MACF1: variants seen among roughly 807,000 people sequenced by gnomAD.
The protein encoded by MACF1 is microtubule actin crosslinking factor 1.
In MACF1, 193 loss-of-function variants were observed where a neutral mutation model predicts 854.8. The observed-to-expected ratio is 0.23, with a 90% CI of 0.20 to 0.25. The LOEUF (loss-of-function observed/expected upper bound fraction) is 0.25. Ranked by LOEUF, MACF1 falls within the 10% of genes least tolerant of loss-of-function variation. The pLI, the probability that MACF1 is intolerant of heterozygous loss-of-function variation, is 1.00. For missense variants in MACF1, 7,722 were observed against 8,929.1 expected, an observed-to-expected ratio of 0.86 and a Z score of 5.45; for synonymous variants, 3,185 against 3,226.7, an observed-to-expected ratio of 0.99 and a Z score of 0.44.
At chr1:39,347,244 C>A in intron 41 of MACF1, 34 bp downstream of exon 41, 1 of 1,484,462 alleles carries the variant, frequency 6.7e-7, no homozygotes, top group Non-Finnish European at 9.4e-7. Flanking sequence ...CTCAGTTTGT[C>A]TTTGGGGATG....
At chr1:39,277,643 C>T (rs891336128) in intron 6 of MACF1, among the ~76,000 whole-genome samples, 8 of 152,074 alleles carry the variant, frequency 5.3e-5, no homozygotes, top group African/African-American at 1.4e-4. Context: ...ACCTTTTTAC[C>T]TGGCCAACTT....
intron 2 of MACF1, among the ~76,000 whole-genome samples, chr1:39,177,855 G>A (rs1426921086): frequency 1.3e-5 from 2 of 152,054 alleles, no homozygotes; most frequent in Admixed American, 1.3e-4. Flanking sequence ...AATCATTTGG[G>A]TGAGCATAAT....
chr1:39,477,135 T>TATACACACACAC (rs71060314), intron 97 of MACF1, among the ~76,000 whole-genome samples: 4 of 103,372 alleles, frequency 3.9e-5, no homozygotes, highest in Admixed American at 2.1e-4. Context: ...TATATATATA[T>TATACACACACAC]ACACACACAC....
chr1:39,464,853 G>A (rs1644629616), intron 94 of MACF1: 1 of 450,334 alleles, frequency 2.2e-6, no homozygotes, highest in Non-Finnish European at 4.0e-6. Flanking sequence ...GTCGGAGGTT[G>A]CAGTGAGCCA....
chr1:39,255,089 G>C (rs1571226373), intron 5 of MACF1, among the ~76,000 whole-genome samples: 1 of 151,898 alleles, frequency 6.6e-6, no homozygotes, highest in Non-Finnish European at 1.5e-5. Context: ...GACCTGGACA[G>C]GTAAATGACC....
chr1:39,361,026 G>A, intron 48 of MACF1, 25 bp downstream of exon 48: 1 of 1,589,560 alleles, frequency 6.3e-7, no homozygotes, highest in Non-Finnish European at 8.6e-7. Context: ...CCAAGAGCTA[G>A]CATAGAGGGT....
At position 39,292,003 on chromosome 1, in the gene MACF1, C is replaced by T. The variant is rs769134124; in HGVS notation, c.1879C>T (p.Leu627=). 8.1e-6 allele frequency: 13 copies of T among 1,613,912 alleles called. No individual in the cohort carries two copies. In the Admixed American group the frequency reaches 8.3e-5, roughly 10 times the overall value. Residue 627 remains leucine (L), a synonymous_variant, in exon 16 of 101, where the codon CTG becomes TTG. Coordinates refer to ENST00000564288, the MANE Select transcript of MACF1 (RefSeq NM_001394062.1). ...QQHIHTSVEE[L]GSSVKEARLY... is the part of the protein sequence containing the mutation. The stretch of plus-strand genomic sequence containing the variant: ...GCACATCCATACGAGTGTAGAAGAG[C>T]TGGGCTCAAGTGTCAAGGAGGCCAG...
At chr1:39,293,437 T>C (rs1419349710) in intron 17 of MACF1, 21 bp from the exon 18 acceptor site, 1 of 1,600,866 alleles carries the variant, frequency 6.2e-7, no homozygotes, top group East Asian at 2.2e-5. Flanking sequence ...AGTCTAATCT[T>C]ATAATCCTTG....
chr1:39,479,333 C>G (rs1390770137), intron 97 of MACF1, among the ~76,000 whole-genome samples: 1 of 152,100 alleles, frequency 6.6e-6, no homozygotes, highest in African/African-American at 2.4e-5. Context: ...TGACTGAATT[C>G]AAATAGAAGA....
At chr1:39,444,358 T>C (rs1279348630) in intron 79 of MACF1, among the ~76,000 whole-genome samples, 1 of 152,154 alleles carries the variant, frequency 6.6e-6, no homozygotes, top group African/African-American at 2.4e-5. Context: ...GTTTTTCTTC[T>C]ATGGGTGATA....
In MACF1 at chr1:39,084,303, G is replaced by C. The variant is rs1428140963; in HGVS notation, c.85G>C (p.Glu29Gln). 6.2e-7 allele frequency: 1 copy of C among 1,614,028 alleles called. No homozygotes were observed. Among genetic ancestry groups the C allele is most frequent in the East Asian group, 2.2e-5 (1 of 44,876 alleles). The stretch of plus-strand genomic sequence containing the variant: ...TCGGAGTGAGCGATCTTACAGGAGC[G>C]AGCGGTCGGGGAGCCTGTCTCCCTG... Residue 29 changes from glutamate to glutamine, a missense_variant, in exon 2 of 94, where the codon GAG becomes CAG. Coordinates refer to the MACF1 transcript ENST00000361689. The surrounding 1 kb of genome is among the most constrained non-coding windows in gnomAD (Gnocchi z 5.2).
intron 2 of MACF1, among the ~76,000 whole-genome samples, chr1:39,144,567 C>T (rs566754427): frequency 6.6e-6 from 1 of 152,232 alleles, no homozygotes; most frequent in East Asian, 1.9e-4. Flanking sequence ...GAATTCCCTT[C>T]TAACAACGTG....
At chr1:39,111,306 CCAT>C (rs1297019170) in intron 2 of MACF1, among the ~76,000 whole-genome samples, 13 of 152,138 alleles carry the variant, frequency 8.5e-5, no homozygotes, top group African/African-American at 2.9e-4. Flanking sequence ...CATGATCCTC[CCAT>C]CTCAGCCTCC....
At chr1:39,087,418 A>G (rs1336304740) in intron 2 of MACF1, among the ~76,000 whole-genome samples, 1 of 152,142 alleles carries the variant, frequency 6.6e-6, no homozygotes, top group African/African-American at 2.4e-5. Flanking sequence ...GTAGAGAGGG[A>G]TGTCGGGGCT....
intron 58 of MACF1, among the ~76,000 whole-genome samples, chr1:39,416,278 G>T (rs1643305458): frequency 6.6e-6 from 1 of 151,728 alleles, no homozygotes; most frequent in South Asian, 2.1e-4. Flanking sequence ...ATTGAATTTG[G>T]AATGACACCG....
Position 39,434,598 on chromosome 1 carries a change from A to G in MACF1, c.17750A>G (p.His5917Arg), listed in dbSNP as rs771898410. The G allele has an allele frequency of 6.2e-7, 1 of 1,614,208 alleles. No individual in the cohort carries two copies. The highest frequency in any genetic ancestry group is 1.1e-5 in the South Asian group (1 of 91,084). The change falls in exon 69 of 101, where the codon CAT becomes CGT. Residue 5917 changes from histidine to arginine, a missense_variant. Physicochemically the swap from His to Arg is conservative, Grantham distance 29 (BLOSUM62 0). Around this residue, in one of 15 missense-constraint regions of MACF1, gnomAD observed 2,807 missense variants for 3,235.8 expected, o/e 0.87. Coordinates refer to ENST00000564288, the MANE Select transcript of MACF1 (RefSeq NM_001394062.1). ...CAGTTACCCTCTCCAGCCATTGATC[A>G]TGAGCAGCTCAGGCAGCAACAAGAG... The part of the protein sequence containing the change: ...IAQLPSPAID[H>R]EQLRQQQEEM...
chr1:39,213,750 G>A (rs560366984), intron 1 of MACF1, among the ~76,000 whole-genome samples: 2 of 151,942 alleles, frequency 1.3e-5, no homozygotes, highest in Admixed American at 6.6e-5. Context: ...TTCCCAGTAC[G>A]AGGCAAATTC....
In MACF1 at chr1:39,357,765, A is replaced by G. The variant is rs746390859; in HGVS notation, c.11815A>G (p.Ile3939Val). 6 of 1,614,236 alleles carry G rather than the reference A, an allele frequency of 3.7e-6. No homozygotes were observed. Among genetic ancestry groups the G allele is most frequent in the African/African-American group, 2.7e-5 (2 of 75,048 alleles). The change falls in exon 45 of 101, where the codon ATC (isoleucine) becomes GTC (valine). Residue 3939 changes from isoleucine to valine, a missense_variant. Coordinates refer to ENST00000564288, the MANE Select transcript of MACF1 (RefSeq NM_001394062.1). ...CAAAGGAGACTTGAGATTTGTGACT[A>G]TCTCAGGACAGAAAGTCTTGGACAT... The part of the protein sequence containing the change: ...SHKGDLRFVT[I>V]SGQKVLDMEN...
chr1:39,285,597 G>T lies in MACF1; in HGVS notation c.1354-7G>T, dbSNP rs369825400. 16 of 1,610,774 alleles carry T rather than the reference G, an allele frequency of 9.9e-6. No homozygotes were observed. In the African/African-American group the frequency reaches 2.2e-4, roughly 22 times the overall value. On this transcript the variant is annotated splice_polypyrimidine_tract_variant and splice_region_variant and intron_variant, in intron 13 of 100. Transcript: ENST00000564288. ...TTTCCCACTGTTATTCTCTCTTCCT[G>T]TCTCAGGATGCTGCTCACCTGGAAT...
Sources: gnomAD v4.1 joint callset for allele counts (sites outside exome capture counted in the v4.1 genomes callset) on GRCh38, gnomAD v4.1.1 for gene constraint, gnomAD v4.1.1 regional missense constraint, Gnocchi (gnomAD v3.1) non-coding constraint, MANE v1.5 for transcripts, NCBI Gene and HGNC (gene_info 2026-07-23, HGNC 2026-07-21) for gene names.